Variants in CDS2 observed in about 807,000 individuals in gnomAD.
The protein encoded by CDS2 is phosphatidate cytidylyltransferase 2.
In CDS2, 47 loss-of-function variants were observed where a neutral mutation model predicts 59.0. The observed-to-expected ratio is 0.80, with a 90% CI of 0.63 to 1.02. CDS2 has a LOEUF of 1.02. CDS2 is among the 50% of genes least tolerant of loss of function. The pLI is 0.00. For missense variants in CDS2, 356 were observed against 558.9 expected (o/e 0.64, Z 3.66); for synonymous variants, 207 against 206.4 (o/e 1.00, Z -0.02).
At chr20:5,188,537 ACTC>A (rs2123069273) in intron 10 of CDS2, among the ~76,000 whole-genome samples, 1 of 152,322 alleles carries the variant, frequency 6.6e-6, no homozygotes, top group African/African-American at 2.4e-5. Context: ...GGAAAAATTC[ACTC>A]CTCTTATTGA....
intron 1 of CDS2, among the ~76,000 whole-genome samples, chr20:5,136,398 G>C (rs1007332187): frequency 6.6e-6 from 1 of 152,130 alleles, no homozygotes; most frequent in Non-Finnish European, 1.5e-5. Context: ...TTCTAACCAG[G>C]TGTGACTTGG....
intron 10 of CDS2, among the ~76,000 whole-genome samples, chr20:5,188,549 G>T (rs1409547755): frequency 6.6e-6 from 1 of 152,146 alleles, no homozygotes; most frequent in Non-Finnish European, 1.5e-5. Flanking sequence ...TCCTCTTATT[G>T]ATTTAAAACC....
chr20:5,127,740 G>A (rs1033774886), intron 1 of CDS2, among the ~76,000 whole-genome samples: 1 of 152,084 alleles, frequency 6.6e-6, no homozygotes, highest in African/African-American at 2.4e-5. Flanking sequence ...TTCCTGCACC[G>A]TGTGGGCTCT....
Position 5,196,620 on chromosome 20 carries a change from A to G in CDS2, c.*6386A>G, listed in dbSNP as rs2091159341. On this transcript the variant is annotated 3_prime_UTR_variant, in exon 13 of 13. Transcript: ENST00000460006. ...TTTGACACCTGCGCTAGGTTCTTGTATGCTGGCTTTTCTTAAAGGAACAGC... is the reference window on the plus strand; with the variant it reads ...TTTGACACCTGCGCTAGGTTCTTGTGTGCTGGCTTTTCTTAAAGGAACAGC... 1 of 152,196 alleles carries G rather than the reference A, an allele frequency of 6.6e-6. No homozygotes were observed. The highest frequency in any genetic ancestry group is 2.1e-4 in the South Asian group (1 of 4,832). 9.4% of individuals were successfully genotyped at this position (152,196 alleles called of 1,614,324 possible).
intron 1 of CDS2, among the ~76,000 whole-genome samples, chr20:5,127,713 C>T (rs905982952): frequency 3.3e-5 from 5 of 152,072 alleles, no homozygotes; most frequent in African/African-American, 7.2e-5. Flanking sequence ...AGGGCGTCCT[C>T]CCGGTTGATG....
chr20:5,181,897 G>T (rs2091035951), intron 5 of CDS2, among the ~76,000 whole-genome samples: 1 of 152,156 alleles, frequency 6.6e-6, no homozygotes, highest in African/African-American at 2.4e-5. Flanking sequence ...TATAATCTAT[G>T]GGTATTATAA....
chr20:5,130,502 C>T (rs184859340), intron 1 of CDS2, among the ~76,000 whole-genome samples: 6 of 151,964 alleles, frequency 3.9e-5, no homozygotes, highest in African/African-American at 4.8e-5. Flanking sequence ...ATAGGCTGGG[C>T]GCGGTGGCTC....
At chr20:5,181,310 C>A (rs2091031913) in intron 5 of CDS2, among the ~76,000 whole-genome samples, 1 of 152,132 alleles carries the variant, frequency 6.6e-6, no homozygotes, top group Non-Finnish European at 1.5e-5. Flanking sequence ...GTCAGCCAAT[C>A]AGTGCTGCAG....
rs1225093821 is a variant in CDS2, at chr20:5,194,932, A to G, written c.*4698A>G. 2.0e-5 allele frequency: 3 copies of G among 152,198 alleles called. No homozygotes were observed. The highest frequency in any genetic ancestry group is 7.2e-5 in the African/African-American group (3 of 41,440). The allele number at this position is 152,198 out of a possible 1,614,324, so 9.4% of individuals were successfully genotyped here. On this transcript the variant is annotated 3_prime_UTR_variant, in exon 13 of 13. Transcript: ENST00000460006. Reference sequence around the variant, plus strand: ...ACATACGTTATCCCTTTTAATCCAGAAAACAGCCTTTGATTAGGTATTGTT... The same window carrying G: ...ACATACGTTATCCCTTTTAATCCAGGAAACAGCCTTTGATTAGGTATTGTT...
chr20:5,151,779 T>TC (rs2090792685), intron 1 of CDS2, among the ~76,000 whole-genome samples: 2 of 133,636 alleles, frequency 1.5e-5, no homozygotes, highest in Non-Finnish European at 3.1e-5. Context: ...TTTTTTTTTT[T>TC]TTGAGACGGA....
At position 5,193,101 on chromosome 20, in the gene CDS2, C is replaced by A. The variant is rs1249954506; in HGVS notation, c.*2867C>A. On this transcript the variant is annotated 3_prime_UTR_variant, in exon 13 of 13. Coordinates refer to ENST00000460006, the MANE Select transcript of CDS2 (RefSeq NM_003818.4). The stretch of plus-strand genomic sequence containing the variant: ...TCATAGAAACCAGGGCTGATGGGCA[C>A]CCCCCAGCCCCTGGGAGCTCTGCTC... The A allele has an allele frequency of 6.6e-6, 1 of 152,184 alleles. No individual in the cohort carries two copies. The highest frequency in any genetic ancestry group is 1.5e-5 in the Non-Finnish European group (1 of 68,052). The allele number at this position is 152,184 out of a possible 1,614,324, so 9.4% of individuals were successfully genotyped here. A position where few individuals can be genotyped will look rare whatever the true frequency, so the allele number is the denominator to read the frequency against.
At position 5,179,051 on chromosome 20, in the gene CDS2, T is replaced by C. The variant is rs563300943; in HGVS notation, c.529+95T>C. The C allele has an allele frequency of 1.5e-4, 184 of 1,188,654 alleles. No homozygotes were observed. In the African/African-American group the frequency reaches 2.5e-3, roughly 16 times the overall value. 73.6% of individuals were successfully genotyped at this position (1,188,654 alleles called of 1,614,324 possible). The stretch of plus-strand genomic sequence containing the variant: ...GGAATTTCTTGGTTAGTATACAGTT[T>C]TGTGACATTAACTGTGACCATGCAG... On this transcript the variant is annotated intron_variant, in intron 5 of 12. Coordinates refer to ENST00000460006, the MANE Select transcript of CDS2 (RefSeq NM_003818.4).
At chr20:5,156,770 C>T (rs1033232026) in intron 1 of CDS2, among the ~76,000 whole-genome samples, 6 of 152,172 alleles carry the variant, frequency 3.9e-5, no homozygotes, top group Non-Finnish European at 8.8e-5. Context: ...TTGGCTCCCC[C>T]TCATGTTGGC....
intron 1 of CDS2, among the ~76,000 whole-genome samples, chr20:5,130,575 G>A (rs964478960): frequency 6.6e-6 from 1 of 151,286 alleles, no homozygotes; most frequent in African/African-American, 2.4e-5. Context: ...TCAGGAGTTC[G>A]AGACCAGCCT....
intron 1 of CDS2, among the ~76,000 whole-genome samples, chr20:5,166,397 G>GT (rs1000282329): frequency 3.3e-4 from 50 of 152,208 alleles, no homozygotes; most frequent in African/African-American, 1.1e-3. Context: ...GATGAGCTTG[G>GT]TTTTGGACAC....
intron 1 of CDS2, among the ~76,000 whole-genome samples, chr20:5,155,476 C>T (rs1002624709): frequency 4.6e-5 from 7 of 152,190 alleles, no homozygotes; most frequent in Non-Finnish European, 7.3e-5. Context: ...GTAAATATAA[C>T]TCATAAAAAA....
chr20:5,183,986 G>C (rs576560148), intron 7 of CDS2, among the ~76,000 whole-genome samples: 1 of 151,988 alleles, frequency 6.6e-6, no homozygotes, highest in Admixed American at 6.6e-5. Context: ...TGAAATCCCC[G>C]TCTCTACTAA....
intron 8 of CDS2, among the ~76,000 whole-genome samples, 188 bp downstream of exon 8, chr20:5,185,133 A>C (rs2091058139): frequency 6.6e-6 from 1 of 152,046 alleles, no homozygotes; most frequent in South Asian, 2.1e-4. Context: ...GATAATAAAG[A>C]AAATAGGCTG....
chr20:5,144,199 CT>C (rs914932763), intron 1 of CDS2, among the ~76,000 whole-genome samples: 1 of 152,178 alleles, frequency 6.6e-6, no homozygotes, highest in Non-Finnish European at 1.5e-5. Flanking sequence ...TTAATTTCTT[CT>C]GTAGATATAA....
Sources: allele counts gnomAD v4.1 joint callset (sites outside exome capture counted in the v4.1 genomes callset), GRCh38; gene constraint gnomAD v4.1.1; transcripts MANE v1.5; gene names NCBI Gene and HGNC (gene_info 2026-07-23, HGNC 2026-07-21).